The following DIP2C variants were observed in gnomAD, a reference collection of about 807,000 sequenced individuals.
DIP2C encodes the protein DIP2 acetate--CoA ligase C (putative), also known as disco-interacting protein 2 homolog C.
In DIP2C, 33 loss-of-function variants were observed where a neutral mutation model predicts 192.4. That is an observed-to-expected ratio of 0.17 (90% CI 0.13 to 0.23). DIP2C has a LOEUF of 0.23. Ranked by LOEUF, DIP2C falls within the 10% of genes least tolerant of loss-of-function variation. The pLI is 1.00. For missense variants in DIP2C, 1,537 were observed against 2,110.1 expected, an observed-to-expected ratio of 0.73 and a Z score of 5.32; for synonymous variants, 979 against 864.1, an observed-to-expected ratio of 1.13 and a Z score of -2.33.
At chr10:471,344 C>A (rs918825999) in intron 3 of DIP2C, among the ~76,000 whole-genome samples, 1 of 152,150 alleles carries the variant, frequency 6.6e-6, no homozygotes, top group Admixed American at 6.5e-5. Flanking sequence ...AGCAGCTAAT[C>A]ACATGAGCCT....
intron 1 of DIP2C, among the ~76,000 whole-genome samples, chr10:648,124 G>A (rs1181880351): frequency 6.6e-6 from 1 of 151,714 alleles, no homozygotes; most frequent in Non-Finnish European, 1.5e-5. Context: ...TGGACGGTGG[G>A]CGAGAACAGA....
chr10:355,780 A>G (rs1180820281), intron 24 of DIP2C, among the ~76,000 whole-genome samples: 2 of 152,230 alleles, frequency 1.3e-5, no homozygotes, highest in African/African-American at 2.4e-5. Flanking sequence ...TCTGGTGTAT[A>G]AAAAAGTGGT....
chr10:459,218 C>G (rs911889653), intron 3 of DIP2C, among the ~76,000 whole-genome samples: 1 of 151,954 alleles, frequency 6.6e-6, no homozygotes, highest in Non-Finnish European at 1.5e-5. Context: ...AAACAGACAG[C>G]CAGCCTTGGA....
intron 4 of DIP2C, among the ~76,000 whole-genome samples, chr10:431,254 C>A (rs991195930): frequency 6.6e-6 from 1 of 152,036 alleles, no homozygotes; most frequent in Non-Finnish European, 1.5e-5. Context: ...AAAACTCGTT[C>A]GGATGTTGGT....
intron 13 of DIP2C, 142 bp from the exon 14 acceptor site, chr10:387,951 G>A: frequency 1.0e-6 from 1 of 973,300 alleles, no homozygotes; most frequent in Non-Finnish European, 1.6e-6. Flanking sequence ...TGGAAATTCT[G>A]TAGACTCCAA....
intron 1 of DIP2C, among the ~76,000 whole-genome samples, chr10:598,967 G>A (rs1237481355): frequency 2.0e-5 from 3 of 152,142 alleles, no homozygotes; most frequent in Non-Finnish European, 4.4e-5. Flanking sequence ...TTTCTGCATC[G>A]AGCCTTTGAG....
intron 33 of DIP2C, among the ~76,000 whole-genome samples, chr10:287,934 G>C (rs974593705): frequency 6.6e-6 from 1 of 152,146 alleles, no homozygotes; most frequent in African/African-American, 2.4e-5. Context: ...ACCACATTCT[G>C]ATCAATGGAA....
Position 671,420 on chromosome 10 carries a change from G to C in DIP2C, c.85+18074C>G, listed in dbSNP as rs569257591. ...AGGAAACGTCACAGACGCACGGACG[G>C]AGGAAACGTCACAGACGCACGGACG... On this transcript the variant is annotated intron_variant, in intron 1 of 36. Transcript: ENST00000280886. Among the ~76,000 whole-genome samples the C allele has an allele frequency of 5.2e-3, 728 of 140,494 alleles. 9 individuals are homozygous for C. The highest frequency in any genetic ancestry group is 8.9e-3 in the Non-Finnish European group (573 of 64,740). The allele number at this position is 140,494 out of a possible 152,430, so 92.2% of individuals were successfully genotyped here.
chr10:384,410 GTAT>G, intron 15 of DIP2C, 133 bp downstream of exon 15: 1 of 905,798 alleles, frequency 1.1e-6, no homozygotes, highest in Non-Finnish European at 1.6e-6. Flanking sequence ...GCTAATTTTT[GTAT>G]TATTAGTAGA....
chr10:499,478 G>A (rs1845079012), intron 1 of DIP2C, among the ~76,000 whole-genome samples: 1 of 152,238 alleles, frequency 6.6e-6, no homozygotes, highest in Non-Finnish European at 1.5e-5. Flanking sequence ...CATGGCAGAA[G>A]GCGAAGGGGA....
intron 1 of DIP2C, among the ~76,000 whole-genome samples, chr10:533,650 C>CAA (rs534651561): frequency 0.013 from 1,631 of 122,574 alleles, 31 homozygotes; most frequent in African/African-American, 0.042. Flanking sequence ...AGATACCTAC[C>CAA]AAAAAAAAAA....
chr10:289,378 C>T (rs1167786428), intron 32 of DIP2C, among the ~76,000 whole-genome samples: 8 of 152,134 alleles, frequency 5.3e-5, no homozygotes, highest in Non-Finnish European at 1.2e-4. Flanking sequence ...AAGCAATCCT[C>T]CCACCTCAGC....
At chr10:336,002 G>A (rs546163367) in intron 29 of DIP2C, among the ~76,000 whole-genome samples, 1 of 152,132 alleles carries the variant, frequency 6.6e-6, no homozygotes, top group South Asian at 2.1e-4. Context: ...AGGCTCAAGT[G>A]ATCCTCCACC....
At chr10:469,170 C>T (rs1356471553) in intron 3 of DIP2C, among the ~76,000 whole-genome samples, 1 of 152,102 alleles carries the variant, frequency 6.6e-6, no homozygotes, top group African/African-American at 2.4e-5. Flanking sequence ...ACTCTGGGTG[C>T]AGAATCGGAG....
chr10:570,306 A>C (rs1342863378), intron 1 of DIP2C, among the ~76,000 whole-genome samples: 1 of 152,146 alleles, frequency 6.6e-6, no homozygotes, highest in Non-Finnish European at 1.5e-5. Context: ...ATGGATCAGG[A>C]AACAGTTTTA....
intron 17 of DIP2C, among the ~76,000 whole-genome samples, chr10:375,867 T>A (rs548883300): frequency 1.1e-3 from 1 of 932 alleles, no homozygotes; most frequent in African/African-American, 2.6e-3. Context: ...GTCAACAAGG[T>A]CTTTCATTTT....
intron 1 of DIP2C, among the ~76,000 whole-genome samples, chr10:550,024 T>TTTC (rs1202266815): frequency 2.2e-4 from 32 of 148,554 alleles, no homozygotes; most frequent in African/African-American, 7.9e-4. Context: ...TTTTTTTTTT[T>TTTC]CTCTTAAGAC....
intron 29 of DIP2C, among the ~76,000 whole-genome samples, chr10:334,778 C>CAT (rs1385060672): frequency 6.6e-6 from 1 of 152,164 alleles, no homozygotes; most frequent in East Asian, 1.9e-4. Flanking sequence ...TTCTGTTTCT[C>CAT]ATATATATAA....
intron 2 of DIP2C, among the ~76,000 whole-genome samples, chr10:480,348 T>G (rs1378951777): frequency 1.4e-5 from 2 of 139,676 alleles, no homozygotes; most frequent in African/African-American, 5.6e-5. Context: ...GAGGGTCTCA[T>G]CCACCAGCCT....
Sources: allele counts gnomAD v4.1 joint callset (sites outside exome capture counted in the v4.1 genomes callset), GRCh38; gene constraint gnomAD v4.1.1; transcripts MANE v1.5; gene names NCBI Gene and HGNC (gene_info 2026-07-23, HGNC 2026-07-21).